GPSM1: variants seen among roughly 807,000 people sequenced by gnomAD.
GPSM1 encodes the protein G protein signaling modulator 1.
GPSM1 carries 48 observed loss-of-function variants against 70.5 expected under a neutral mutation model. That is an observed-to-expected ratio of 0.68 (90% CI 0.54 to 0.87). The LOEUF (loss-of-function observed/expected upper bound fraction) is 0.87, where lower values mean the gene tolerates loss of function less well. GPSM1 is among the 40% of genes least tolerant of loss of function. GPSM1 has a pLI of 0.00. For missense variants in GPSM1, 981 were observed against 972.6 expected (o/e 1.01, Z -0.11); for synonymous variants, 416 against 430.1 (o/e 0.97, Z 0.41).
chr9:136,353,624 C>T (rs1420325283), intron 11 of GPSM1, among the ~76,000 whole-genome samples: 2 of 152,182 alleles, frequency 1.3e-5, no homozygotes, highest in Non-Finnish European at 2.9e-5. Context: ...GAGGGCTGCC[C>T]GACATAGGAC....
At chr9:136,330,158 C>T (rs1332087104) in intron 1 of GPSM1, among the ~76,000 whole-genome samples, 2 of 152,098 alleles carry the variant, frequency 1.3e-5, no homozygotes, top group Non-Finnish European at 1.5e-5. Flanking sequence ...CCTGGGTGGT[C>T]GTCTCCTGGC....
Position 136,355,687 on chromosome 9 carries a change from C to G in GPSM1, c.1456-3C>G, listed in dbSNP as rs1832795345. The G allele has an allele frequency of 6.2e-7, 1 of 1,611,650 alleles. No individual in the cohort carries two copies. The highest frequency in any genetic ancestry group is 8.5e-7 in the Non-Finnish European group (1 of 1,179,184). On this transcript the variant is annotated splice_region_variant and splice_polypyrimidine_tract_variant and intron_variant, in intron 11 of 13. Transcript: ENST00000440944. Reference sequence around the variant, plus strand: ...GGCTGCGGTGACCCCACTCCCTCCCCAGAGCATCCCGAGGGCCCCGTCTTC... The same window carrying G: ...GGCTGCGGTGACCCCACTCCCTCCCGAGAGCATCCCGAGGGCCCCGTCTTC...
Position 136,334,808 on chromosome 9 carries a change from G to T in GPSM1, c.290+140G>T, listed in dbSNP as rs1832192490. The T allele has an allele frequency of 3.3e-5, 24 of 719,896 alleles. 1 individual carries two copies. The South Asian group carries it at 4.0e-4, about 12-fold the overall frequency. The allele number at this position is 719,896 out of a possible 1,614,324, so 44.6% of individuals were successfully genotyped here. A position where few individuals can be genotyped will look rare whatever the true frequency, so the allele number is the denominator to read the frequency against. Reference sequence around the variant, plus strand: ...ACAGCCCTGCTGGTGGGTGAGTGGGGATGGCCCTGCTGGCGGGTGAGTGGG... The same window carrying T: ...ACAGCCCTGCTGGTGGGTGAGTGGGTATGGCCCTGCTGGCGGGTGAGTGGG... On this transcript the variant is annotated intron_variant, in intron 2 of 13. Transcript: ENST00000440944.
At chr9:136,336,233 C>T (rs1419712604) in intron 3 of GPSM1, 132 bp downstream of exon 3, 9 of 1,092,860 alleles carry the variant, frequency 8.2e-6, no homozygotes, top group Non-Finnish European at 1.2e-5. Context: ...AGGTCGGTCC[C>T]CTAGATCCCG....
intron 11 of GPSM1, 46 bp from the exon 12 acceptor site, chr9:136,355,644 G>C (rs1832793854): frequency 8.2e-6 from 13 of 1,588,956 alleles, no homozygotes; most frequent in Non-Finnish European, 1.0e-5. Context: ...TCGTCTGGGG[G>C]TCTGCGGGGC....
At chr9:136,332,631 A>G (rs1832128516) in intron 1 of GPSM1, among the ~76,000 whole-genome samples, 1 of 152,184 alleles carries the variant, frequency 6.6e-6, no homozygotes, top group South Asian at 2.1e-4. Flanking sequence ...CGCTGGCTGC[A>G]GGATGGGGCT....
At position 136,341,010 on chromosome 9, in the gene GPSM1, T is replaced by TG. The variant is rs782517443; in HGVS notation, c.1207+24dup. ...AGGCCCAGGGTGAGTTCCAGGGTTG[T>TG]GGGGGGGTCTTGCTCCCCACAGGCA... On this transcript the variant is annotated intron_variant, in intron 9 of 13. Coordinates refer to ENST00000440944, the MANE Select transcript of GPSM1 (RefSeq NM_001145638.3). This position sits in a 1 kb window ranked among gnomAD's most constrained non-coding sequence, Gnocchi z 6.7. The TG allele has an allele frequency of 1.3e-5, 21 of 1,563,032 alleles. No individual in the cohort carries two copies. Among genetic ancestry groups the TG allele is most frequent in the Middle Eastern group, 1.7e-4 (1 of 5,954 alleles).
intron 9 of GPSM1, among the ~76,000 whole-genome samples, chr9:136,346,941 G>T (rs1309756471): frequency 6.6e-6 from 1 of 152,178 alleles, no homozygotes; most frequent in Non-Finnish European, 1.5e-5. Context: ...GCTAACGGTG[G>T]GGTCCGGGTG....
intron 13 of GPSM1, among the ~76,000 whole-genome samples, chr9:136,357,545 G>A (rs1386158434): frequency 1.3e-5 from 2 of 152,234 alleles, no homozygotes; most frequent in African/African-American, 4.8e-5. Context: ...CCTGACACAA[G>A]GGGAAGCCCT....
At position 136,334,484 on chromosome 9, in the gene GPSM1, G is replaced by A. The variant is rs782168820; in HGVS notation, c.106G>A (p.Glu36Lys). The change falls in exon 2 of 14, where the codon GAG (glutamate) becomes AAG (lysine). Residue 36 changes from glutamate to lysine, a missense_variant. Coordinates refer to ENST00000440944, the MANE Select transcript of GPSM1 (RefSeq NM_001145638.3). ...ASCLELALEG[E>K]RLCKAGDFKT... is the part of the protein sequence containing the mutation. ...CTGCCTAGAGCTGGCGCTGGAGGGC[G>A]AGCGTCTGTGCAAGGCGGGCGACTT... The A allele has an allele frequency of 7.4e-6, 12 of 1,612,918 alleles. No homozygotes were observed. Among genetic ancestry groups the A allele is most frequent in the East Asian group, 4.5e-5 (2 of 44,890 alleles).
chr9:136,357,949 G>A, intron 13 of GPSM1, 65 bp from the exon 14 acceptor site: 1 of 1,335,304 alleles, frequency 7.5e-7, no homozygotes, highest in Non-Finnish European at 1.1e-6. Context: ...AACCACCGCT[G>A]CTGACCAGCC....
Position 136,336,047 on chromosome 9 carries a change from G to A in GPSM1, c.372G>A (p.Glu124=), listed in dbSNP as rs1448747810. The A allele has an allele frequency of 6.2e-7, 1 of 1,612,392 alleles. No homozygotes were observed. Among genetic ancestry groups the A allele is most frequent in the Non-Finnish European group, 8.5e-7 (1 of 1,179,896 alleles). ...TCAAGGTCCTGGGGCGCTTCGACGA[G>A]GCTGCCGTCTGCTGCCAGCGGCATC... ...NTLKVLGRFD[E]AAVCCQRHLS... is the part of the protein sequence containing the mutation. The change falls in exon 3 of 14, where the codon GAG becomes GAA. Residue 124 remains glutamate (E), a synonymous_variant. Transcript: ENST00000440944.
intron 6 of GPSM1, 84 bp from the exon 7 acceptor site, chr9:136,338,471 C>A: frequency 7.5e-7 from 1 of 1,335,210 alleles, no homozygotes; most frequent in African/African-American, 1.4e-5. Flanking sequence ...AGGGGACCAT[C>A]GGGCAGACTG....
At position 136,342,987 on chromosome 9, in the gene GPSM1, T is replaced by C. The variant is rs988041789; in HGVS notation, c.1207+1994T>C. On this transcript the variant is annotated intron_variant, in intron 9 of 13. Coordinates refer to ENST00000440944, the MANE Select transcript of GPSM1 (RefSeq NM_001145638.3). This position sits in a 1 kb window ranked among gnomAD's most constrained non-coding sequence, Gnocchi z 5.5. ...AGAGGCTGGTGGGTTTGGTGTCCCG[T>C]TGATAAACACAAGGAGACTTACGTG... 2.0e-5 allele frequency among the ~76,000 whole-genome samples: 3 copies of C among 152,022 alleles called. No homozygotes were observed. The highest frequency in any genetic ancestry group is 4.4e-5 in the Non-Finnish European group (3 of 67,972).
intron 6 of GPSM1, among the ~76,000 whole-genome samples, 193 bp downstream of exon 6, chr9:136,338,154 G>A (rs766536328): frequency 2.6e-5 from 4 of 152,146 alleles, no homozygotes; most frequent in African/African-American, 7.2e-5. Context: ...TGGGGGAGCC[G>A]GCCTATGGGA....
At chr9:136,353,950 C>T (rs1832741735) in intron 11 of GPSM1, among the ~76,000 whole-genome samples, 4 of 152,314 alleles carry the variant, frequency 2.6e-5, no homozygotes, top group Admixed American at 2.0e-4. Flanking sequence ...TGTGGCCCTC[C>T]CCACAGACTG....
In GPSM1 at chr9:136,349,698, A is replaced by C. The variant is rs781868122; in HGVS notation, c.1390A>C (p.Arg464=). ...CCAGGAAGGCCCGGACGCTGAGAGG[A>C]GGCCCCGGGAGGGCAGCCACTCCCC... ...KYQEGPDAER[R]PREGSHSPLD... is the part of the protein sequence containing the mutation. The change falls in exon 11 of 14, where the codon AGG becomes CGG. Residue 464 remains arginine (R), a synonymous_variant. Coordinates refer to ENST00000440944, the MANE Select transcript of GPSM1 (RefSeq NM_001145638.3). The C allele has an allele frequency of 1.3e-5, 20 of 1,565,168 alleles. No homozygotes were observed. In the South Asian group the frequency reaches 2.2e-4, roughly 17 times the overall value.
chr9:136,346,112 G>C (rs1267035491), intron 9 of GPSM1, among the ~76,000 whole-genome samples: 1 of 152,218 alleles, frequency 6.6e-6, no homozygotes, highest in African/African-American at 2.4e-5. Context: ...TCAGGCCCCT[G>C]ATGGGCCCCA....
At chr9:136,350,040 C>G (rs1334202778) in intron 11 of GPSM1, among the ~76,000 whole-genome samples, 2 of 152,352 alleles carry the variant, frequency 1.3e-5, no homozygotes, top group African/African-American at 4.8e-5. Flanking sequence ...GCATGGAACG[C>G]CCCGCCTCTC....
Sources: gnomAD v4.1 joint callset for allele counts (sites outside exome capture counted in the v4.1 genomes callset) on GRCh38, gnomAD v4.1.1 for gene constraint, Gnocchi (gnomAD v3.1) non-coding constraint, MANE v1.5 for transcripts, NCBI Gene and HGNC (gene_info 2026-07-23, HGNC 2026-07-21) for gene names.